Variants in SRPK2 observed in about 807,000 individuals in gnomAD.
The protein encoded by SRPK2 is SFRS protein kinase 2.
SRPK2 carries 21 observed loss-of-function variants against 90.8 expected under a neutral mutation model. That is an observed-to-expected ratio of 0.23 (90% confidence interval 0.16 to 0.33). The LOEUF is 0.33. Among genes scored for constraint, SRPK2 ranks in the 10% least tolerant of loss-of-function variants. The pLI, the probability that SRPK2 is intolerant of heterozygous loss-of-function variation, is 1.00. For missense variants in SRPK2, 620 were observed against 869.0 expected (o/e 0.71, Z 3.60); for synonymous variants, 288 against 311.1 (o/e 0.93, Z 0.78).
chr7:105,397,272 T>A (rs966418388), intron 1 of SRPK2, among the ~76,000 whole-genome samples: 6 of 151,942 alleles, frequency 3.9e-5, no homozygotes, highest in African/African-American at 1.4e-4. Context: ...CGCCTCGGCC[T>A]ACGAAAGTGC....
intron 2 of SRPK2, among the ~76,000 whole-genome samples, chr7:105,323,146 C>T (rs904872820): frequency 7.9e-5 from 12 of 151,798 alleles, no homozygotes; most frequent in African/African-American, 2.7e-4. Context: ...GCCAAGATGG[C>T]GCCACCACAC....
chr7:105,206,889 C>T (rs1031695995), intron 2 of SRPK2, among the ~76,000 whole-genome samples: 6 of 152,206 alleles, frequency 3.9e-5, no homozygotes, highest in Non-Finnish European at 8.8e-5. Flanking sequence ...TTCAGCCTCA[C>T]GTTGAGAGAT....
At chr7:105,146,135 T>C (rs554686612) in intron 8 of SRPK2, among the ~76,000 whole-genome samples, 2 of 152,232 alleles carry the variant, frequency 1.3e-5, no homozygotes, top group Non-Finnish European at 1.5e-5. Context: ...CAAGAATTTA[T>C]GTACACAAAA....
intron 7 of SRPK2, among the ~76,000 whole-genome samples, chr7:105,152,544 T>C (rs993441742): frequency 1.1e-4 from 17 of 152,094 alleles, no homozygotes; most frequent in African/African-American, 3.6e-4. Context: ...TCAACCAACA[T>C]TGACGAGAAC....
At chr7:105,139,680 C>T (rs1803414562) in intron 11 of SRPK2, among the ~76,000 whole-genome samples, 4 of 152,200 alleles carry the variant, frequency 2.6e-5, no homozygotes, top group Admixed American at 2.6e-4. Flanking sequence ...ATGACCAAGG[C>T]AACTTACATT....
At chr7:105,197,972 A>G (rs1405263358) in intron 3 of SRPK2, among the ~76,000 whole-genome samples, 1 of 152,214 alleles carries the variant, frequency 6.6e-6, no homozygotes, top group Non-Finnish European at 1.5e-5. Context: ...GTCACCATTT[A>G]GTATGTCCTT....
intron 15 of SRPK2, among the ~76,000 whole-genome samples, chr7:105,125,567 C>T (rs927508617): frequency 2.0e-5 from 3 of 152,030 alleles, no homozygotes; most frequent in East Asian, 1.9e-4. Flanking sequence ...AAGAGAGAAG[C>T]GGAGGAGGAA....
Position 105,142,342 on chromosome 7 carries a change from G to C in SRPK2, c.1209C>G (p.Phe403Leu). ...KTNGHIENGP[F>L]SLEQQLDDED... is the part of the protein sequence containing the mutation. The stretch of plus-strand genomic sequence containing the variant: ...CATCGTCCAGTTGCTGCTCCAGTGA[G>C]AATGGGCCATTCTCAATATGGCCAT... The change falls in exon 11 of 16, where the codon TTC becomes TTG. Residue 403 changes from phenylalanine to leucine, a missense_variant. This residue lies in a region of SRPK2 where 243 missense variants were observed against 245.7 expected (regional missense o/e 0.99). Transcript: ENST00000393651. 6.2e-7 allele frequency: 1 copy of C among 1,614,174 alleles called. No individual in the cohort carries two copies. Among genetic ancestry groups the C allele is most frequent in the Non-Finnish European group, 8.5e-7 (1 of 1,180,018 alleles).
intron 3 of SRPK2, among the ~76,000 whole-genome samples, chr7:105,176,692 CAT>C (rs201474950): frequency 1.4e-5 from 1 of 71,578 alleles, no homozygotes; most frequent in South Asian, 4.9e-4. Context: ...TGTGTGTGTA[CAT>C]ATATATGTAT....
chr7:105,187,502 C>G (rs879084803), intron 3 of SRPK2, among the ~76,000 whole-genome samples: 2 of 152,216 alleles, frequency 1.3e-5, no homozygotes, highest in Admixed American at 1.3e-4. Flanking sequence ...ACACATGAGT[C>G]TCTAGAGAAT....
At chr7:105,323,650 A>G (rs1438716249) in intron 2 of SRPK2, among the ~76,000 whole-genome samples, 2 of 152,214 alleles carry the variant, frequency 1.3e-5, no homozygotes, top group African/African-American at 2.4e-5. Context: ...AGTGTACTAG[A>G]TGCTACATGC....
At chr7:105,231,119 C>T (rs1799373708) in intron 2 of SRPK2, among the ~76,000 whole-genome samples, 1 of 152,064 alleles carries the variant, frequency 6.6e-6, no homozygotes, top group Non-Finnish European at 1.5e-5. Context: ...TGTCTGTTTC[C>T]TTCTTTGTGC....
chr7:105,352,981 C>T lies in SRPK2; in HGVS notation c.71+35667G>A, dbSNP rs1441500044. ...AATTTCACACAGTAAATGCCAGTAC[C>T]TCTATTGGTTAACATTCTATTCCAC... On this transcript the variant is annotated intron_variant, in intron 2 of 15. Transcript: ENST00000393651. Among the ~76,000 whole-genome samples the T allele has an allele frequency of 3.3e-5, 5 of 152,242 alleles. No homozygotes were observed. In the East Asian group the frequency reaches 5.8e-4, roughly 18 times the overall value.
intron 15 of SRPK2, among the ~76,000 whole-genome samples, chr7:105,119,710 A>C (rs1800056747): frequency 6.6e-6 from 1 of 152,238 alleles, no homozygotes; most frequent in Admixed American, 6.5e-5. Context: ...AAGTCTGAAC[A>C]GAGACTGCAG....
At chr7:105,159,178 G>T (rs555812746) in intron 7 of SRPK2, among the ~76,000 whole-genome samples, 1 of 152,066 alleles carries the variant, frequency 6.6e-6, no homozygotes, top group South Asian at 2.1e-4. Context: ...TCATGTTACA[G>T]AATAAGCTGC....
chr7:105,152,678 T>A (rs890568642), intron 7 of SRPK2, among the ~76,000 whole-genome samples: 1 of 152,206 alleles, frequency 6.6e-6, no homozygotes, highest in African/African-American at 2.4e-5. Flanking sequence ...GTTAAGTCTT[T>A]ACTAATTCTT....
chr7:105,160,911 T>C (rs1321888560), intron 6 of SRPK2, among the ~76,000 whole-genome samples: 1 of 152,086 alleles, frequency 6.6e-6, no homozygotes, highest in African/African-American at 2.4e-5. Flanking sequence ...CATAACCTAT[T>C]CACATCCTTC....
At chr7:105,184,314 T>A (rs1233414559) in intron 3 of SRPK2, among the ~76,000 whole-genome samples, 1 of 152,118 alleles carries the variant, frequency 6.6e-6, no homozygotes, top group Non-Finnish European at 1.5e-5. Context: ...CTTACATACA[T>A]AATGCCAGAC....
chr7:105,365,487 C>CAAA lies in SRPK2; in HGVS notation c.71+23158_71+23160dup, dbSNP rs374198950. On this transcript the variant is annotated intron_variant, in intron 2 of 15. Transcript: ENST00000393651. ...GGGCAACAAGAGCGAAATTCTGTCT[C>CAAA]AAAAAAAAAAAAAAAAAAAAAATTA... Among the ~76,000 whole-genome samples the CAAA allele has an allele frequency of 1.4e-3, 95 of 69,378 alleles. 1 individual carries two copies. Among genetic ancestry groups the CAAA allele is most frequent in the Middle Eastern group, 7.8e-3 (1 of 128 alleles). The allele number at this position is 69,378 out of a possible 152,430, so 45.5% of individuals were successfully genotyped here. A position where few individuals can be genotyped will look rare whatever the true frequency, so the allele number is the denominator to read the frequency against.
Sources: gnomAD v4.1 joint callset for allele counts (sites outside exome capture counted in the v4.1 genomes callset) on GRCh38, gnomAD v4.1.1 for gene constraint, gnomAD v4.1.1 regional missense constraint, MANE v1.5 for transcripts, NCBI Gene and HGNC (gene_info 2026-07-23, HGNC 2026-07-21) for gene names.